The following NARF variants were observed in gnomAD, a reference collection of about 807,000 sequenced individuals.
NARF encodes the protein iron-only hydrogenase-like protein 2.
NARF carries 41 observed loss-of-function variants against 48.0 expected under a neutral mutation model. That is an observed-to-expected ratio of 0.85 (90% CI 0.66 to 1.11). The LOEUF (loss-of-function observed/expected upper bound fraction) is 1.11, where lower values mean the gene tolerates loss of function less well. Among genes scored for constraint, NARF ranks in the 50% least tolerant of loss-of-function variants. The pLI is 0.00. For synonymous variants in NARF, 215 were observed against 225.5 expected (o/e 0.95, Z 0.42); for missense variants, 613 against 590.2 (o/e 1.04, Z -0.40).
At chr17:82,469,944 A>C (rs2043659405) in intron 4 of NARF, among the ~76,000 whole-genome samples, 1 of 151,326 alleles carries the variant, frequency 6.6e-6, no homozygotes, top group Non-Finnish European at 1.5e-5. Flanking sequence ...AAAAATTATA[A>C]ATATTGGTCA....
At chr17:82,464,465 G>A (rs1263782983) in intron 3 of NARF, 35 bp downstream of exon 3, 1 of 1,588,390 alleles carries the variant, frequency 6.3e-7, no homozygotes, top group East Asian at 2.2e-5. Context: ...ATGCTGGGGA[G>A]CTGACCTGGA....
rs62080971 is a variant in NARF, at chr17:82,470,434, A to G, written c.385+1538A>G. On this transcript the variant is annotated intron_variant, in intron 4 of 10. Coordinates refer to ENST00000309794, the MANE Select transcript of NARF (RefSeq NM_012336.4). ...ATGATGTAACGGAATGTTATATATC[A>G]ATAAAATGTATCCACAGTAAAATGG... is the stretch of plus-strand genomic sequence containing the variant. Among the ~76,000 whole-genome samples, 897 of 152,346 alleles carry G rather than the reference A, an allele frequency of 5.9e-3. 6 individuals are homozygous for G. The highest frequency in any genetic ancestry group is 0.027 in the Middle Eastern group (8 of 294).
chr17:82,486,867 T>C (rs2044106989), intron 10 of NARF, among the ~76,000 whole-genome samples: 1 of 152,222 alleles, frequency 6.6e-6, no homozygotes, highest in Non-Finnish European at 1.5e-5. Flanking sequence ...TGACATCATC[T>C]AACACGTTGG....
At position 82,472,707 on chromosome 17, in the gene NARF, C is replaced by G. The variant is rs539488211; in HGVS notation, c.520+9C>G. 7.3e-5 allele frequency: 117 copies of G among 1,609,982 alleles called. 1 individual carries two copies. The South Asian group carries it at 1.2e-3, about 17-fold the overall frequency. ...GACCTCTGCCTGTCCTGGTGAGCCC[C>G]TGGACCCCCGCTCTGTTGGCCTGAG... On this transcript the variant is annotated intron_variant, in intron 5 of 10. Coordinates refer to ENST00000309794, the MANE Select transcript of NARF (RefSeq NM_012336.4).
intron 4 of NARF, among the ~76,000 whole-genome samples, chr17:82,469,462 A>G (rs1008623023): frequency 6.6e-6 from 1 of 152,194 alleles, no homozygotes; most frequent in African/African-American, 2.4e-5. Flanking sequence ...GCTTTGGTCA[A>G]AGGGGAACTG....
intron 3 of NARF, among the ~76,000 whole-genome samples, chr17:82,465,635 C>G (rs1037094425): frequency 2.6e-5 from 4 of 152,140 alleles, no homozygotes; most frequent in African/African-American, 7.2e-5. Context: ...TGGAGAGAGT[C>G]TCAGTGGGGA....
At position 82,458,762 on chromosome 17, in the gene NARF, C is replaced by CCTGAGG. The variant is rs2043349429; in HGVS notation, c.-34_-29dup. 5 of 1,478,950 alleles carry CCTGAGG rather than the reference C, an allele frequency of 3.4e-6. No individual in the cohort carries two copies. The highest frequency in any genetic ancestry group is 4.5e-6 in the Non-Finnish European group (5 of 1,120,606). 91.6% of individuals were successfully genotyped at this position (1,478,950 alleles called of 1,614,324 possible). A position where few individuals can be genotyped will look rare whatever the true frequency, so the allele number is the denominator to read the frequency against. On this transcript the variant is annotated 5_prime_UTR_variant, in exon 1 of 11. Coordinates refer to ENST00000309794, the MANE Select transcript of NARF (RefSeq NM_012336.4). ...TGGTGTCCCAGTCTCCCGGTGCTTC[C>CCTGAGG]CTGAGGCTGAGGCGCCCGGCCTCCC... is the stretch of plus-strand genomic sequence containing the variant.
At chr17:82,478,765 G>A in intron 5 of NARF, 35 bp from the exon 6 acceptor site, 2 of 1,587,566 alleles carry the variant, frequency 1.3e-6, no homozygotes, top group Admixed American at 1.7e-5. Context: ...AGAGGAAGCA[G>A]TAAGGAGCTG....
At chr17:82,459,188 C>G in intron 1 of NARF, 1 of 1,065,652 alleles carries the variant, frequency 9.4e-7, no homozygotes, top group Non-Finnish European at 1.1e-6. Context: ...GTTTTCGAAC[C>G]TGCCCCTCTG....
At chr17:82,476,449 TTTTG>T (rs752916952) in intron 5 of NARF, 22 of 152,144 alleles carry the variant, frequency 1.4e-4, no homozygotes, top group South Asian at 6.2e-4. Flanking sequence ...GCTAACACTT[TTTTG>T]TTTGTTTGTT....
chr17:82,459,271 C>G, intron 1 of NARF: 1 of 817,160 alleles, frequency 1.2e-6, no homozygotes, highest in Non-Finnish European at 1.5e-6. Context: ...GCGGTTGTCT[C>G]CAGGCCATGG....
In NARF at chr17:82,461,832, C is replaced by T. The variant is rs545856390; in HGVS notation, c.108+1760C>T. On this transcript the variant is annotated intron_variant, in intron 2 of 10. Transcript: ENST00000309794. The stretch of plus-strand genomic sequence containing the variant: ...GTTTAGTAGTCCTGACATGTTTAAT[C>T]TGACAGGTGTTCTCCCGGTTGCCCT... Among the ~76,000 whole-genome samples, 3 of 152,322 alleles carry T rather than the reference C, an allele frequency of 2.0e-5. No individual in the cohort carries two copies. In the South Asian group the frequency reaches 6.2e-4, roughly 32 times the overall value.
Position 82,483,806 on chromosome 17 carries a change from T to C in NARF, c.833+27T>C, listed in dbSNP as rs767674228. On this transcript the variant is annotated intron_variant, in intron 8 of 10. Coordinates refer to ENST00000309794, the MANE Select transcript of NARF (RefSeq NM_012336.4). ...TAAGTGGCTTCTCTGGGGAGAGTCC[T>C]CTGGGGGGCAGGACCTCTCGTCAGC... 8.1e-6 allele frequency: 13 copies of C among 1,609,636 alleles called. No homozygotes were observed. The Admixed American group carries it at 2.0e-4, about 25-fold the overall frequency.
chr17:82,482,375 C>G (rs73999951), intron 7 of NARF: 5,471 of 210,962 alleles, frequency 0.026, 360 homozygotes, highest in African/African-American at 0.15. Flanking sequence ...CCATCCTTCA[C>G]TCTCAGAGGA....
At chr17:82,486,192 G>A (rs2044091581) in intron 10 of NARF, among the ~76,000 whole-genome samples, 1 of 152,154 alleles carries the variant, frequency 6.6e-6, no homozygotes. Context: ...GGGAGTGAGA[G>A]GATGAGAGGA....
chr17:82,488,059 T>C lies in NARF; in HGVS notation c.1273T>C (p.Trp425Arg), dbSNP rs1448087606. 1 of 1,613,724 alleles carries C rather than the reference T, an allele frequency of 6.2e-7. No homozygotes were observed. Among genetic ancestry groups the C allele is most frequent in the African/African-American group, 1.3e-5 (1 of 74,804 alleles). ...ACACGTGCAGGAGCTGTACCAGGAG[T>C]GGCTGGAGGGGATCAACTCCCCCAA... ...SAHVQELYQE[W>R]LEGINSPKAR... Residue 425 changes from tryptophan to arginine, a missense_variant, in exon 11 of 11, where the codon TGG becomes CGG. Physicochemically the swap from Trp to Arg is moderately radical, Grantham distance 101. Coordinates refer to ENST00000309794, the MANE Select transcript of NARF (RefSeq NM_012336.4).
At chr17:82,487,180 G>T (rs2044113944) in intron 10 of NARF, among the ~76,000 whole-genome samples, 1 of 152,130 alleles carries the variant, frequency 6.6e-6, no homozygotes, top group African/African-American at 2.4e-5. Context: ...GATGTAAATG[G>T]GTAAGAATGA....
chr17:82,459,050 T>C, intron 1 of NARF: 1 of 1,205,146 alleles, frequency 8.3e-7, no homozygotes, highest in Non-Finnish European at 1.0e-6. Context: ...CCTGAACTTG[T>C]CCATCTTTCC....
chr17:82,485,078 T>C, intron 9 of NARF, 128 bp downstream of exon 9: 1 of 1,219,488 alleles, frequency 8.2e-7, no homozygotes, highest in Non-Finnish European at 1.1e-6. Flanking sequence ...AAAGGACTTT[T>C]TTGTGTTTAT....
Sources: gnomAD v4.1 joint callset for allele counts (sites outside exome capture counted in the v4.1 genomes callset) on GRCh38, gnomAD v4.1.1 for gene constraint, MANE v1.5 for transcripts, NCBI Gene and HGNC (gene_info 2026-07-23, HGNC 2026-07-21) for gene names.